The following DSCAM variants were observed in gnomAD, a reference collection of about 807,000 sequenced individuals.
DSCAM encodes cell adhesion molecule DSCAM.
A neutral mutation model predicts 217.7 loss-of-function variants in DSCAM; 47 were observed. That is an observed-to-expected ratio of 0.22 (90% confidence interval 0.17 to 0.28). The LOEUF is 0.28. Ranked by LOEUF, DSCAM falls within the 10% of genes least tolerant of loss-of-function variation. The pLI is 1.00. For missense variants in DSCAM, 2,080 were observed against 2,618.3 expected, an observed-to-expected ratio of 0.79 and a Z score of 4.49; for synonymous variants, 1,056 against 1,015.3, an observed-to-expected ratio of 1.04 and a Z score of -0.76.
At chr21:40,302,361 G>T (rs998175154) in intron 9 of DSCAM, among the ~76,000 whole-genome samples, 2 of 152,080 alleles carry the variant, frequency 1.3e-5, no homozygotes, top group Non-Finnish European at 2.9e-5. Context: ...TTATAAAGGG[G>T]ATTTCCCCTG....
At chr21:40,435,357 A>G (rs1485537197) in intron 3 of DSCAM, among the ~76,000 whole-genome samples, 1 of 152,240 alleles carries the variant, frequency 6.6e-6, no homozygotes, top group Non-Finnish European at 1.5e-5. Flanking sequence ...CAAACAAAAC[A>G]ACAAATTTTA....
intron 3 of DSCAM, among the ~76,000 whole-genome samples, chr21:40,602,583 C>A (rs1313404571): frequency 6.6e-6 from 1 of 152,166 alleles, no homozygotes; most frequent in Non-Finnish European, 1.5e-5. Context: ...TAGTTTATTT[C>A]ATCCAAGTAT....
At chr21:40,732,876 TCTA>T (rs1353104203) in intron 1 of DSCAM, among the ~76,000 whole-genome samples, 1 of 152,226 alleles carries the variant, frequency 6.6e-6, no homozygotes, top group Non-Finnish European at 1.5e-5. Flanking sequence ...TGCTATTTTT[TCTA>T]CTATTTCAGA....
intron 3 of DSCAM, among the ~76,000 whole-genome samples, chr21:40,464,561 G>A (rs546695766): frequency 3.9e-5 from 6 of 152,008 alleles, no homozygotes; most frequent in Non-Finnish European, 7.4e-5. Context: ...GAGTCATTGC[G>A]ACTCTTCAGT....
rs1257648727 is a variant in DSCAM at position 40,161,426 on chromosome 21, A to ATT, written c.3018+5791_3018+5792insAA. 7.6e-3 allele frequency among the ~76,000 whole-genome samples: 1,151 copies of ATT among 151,112 alleles called. 18 individuals are homozygous for ATT. Among genetic ancestry groups the ATT allele is most frequent in the African/African-American group, 0.027 (1,112 of 41,182 alleles). ...GAAAGTCCACAGTTTTTTTTTTAAA[A>ATT]GCACCACCTCTTGATATGAACCTTT... is the stretch of plus-strand genomic sequence containing the variant. On this transcript the variant is annotated intron_variant, in intron 16 of 32. Transcript: ENST00000400454.
chr21:40,811,815 C>A (rs540880032), intron 1 of DSCAM, among the ~76,000 whole-genome samples: 12 of 152,102 alleles, frequency 7.9e-5, no homozygotes, highest in Non-Finnish European at 1.6e-4. Flanking sequence ...GAGTAGATTG[C>A]GTTGAAGACC....
chr21:40,297,325 G>A (rs776614795), intron 9 of DSCAM, among the ~76,000 whole-genome samples: 1 of 152,166 alleles, frequency 6.6e-6, no homozygotes, highest in Non-Finnish European at 1.5e-5. Context: ...CTTAGAAAAG[G>A]TAGCATCTGA....
In DSCAM at chr21:40,183,099, G is replaced by A. The variant is rs1045455203; in HGVS notation, c.2780-4005C>T. On this transcript the variant is annotated intron_variant, in intron 14 of 32. Transcript: ENST00000400454. ...GGCTACCAGAGAAACCGTGGACGGG[G>A]GGGGTTACCAGAGAAACCGTGGACA... 2.6e-5 allele frequency among the ~76,000 whole-genome samples: 3 copies of A among 116,596 alleles called. 1 individual carries two copies. The highest frequency in any genetic ancestry group is 5.6e-4 in the East Asian group (2 of 3,584). The allele number at this position is 116,596 out of a possible 152,430, so 76.5% of individuals were successfully genotyped here. A position where few individuals can be genotyped will look rare whatever the true frequency, so the allele number is the denominator to read the frequency against.
At chr21:40,017,654 C>T (rs544620112) in intron 32 of DSCAM, among the ~76,000 whole-genome samples, 10 of 151,980 alleles carry the variant, frequency 6.6e-5, no homozygotes, top group South Asian at 2.1e-4. Flanking sequence ...CCGGTTCAAG[C>T]GATTCTCCCC....
intron 3 of DSCAM, among the ~76,000 whole-genome samples, chr21:40,379,814 T>C (rs2075002304): frequency 6.6e-6 from 1 of 152,164 alleles, no homozygotes; most frequent in Non-Finnish European, 1.5e-5. Context: ...AAATAAGGGA[T>C]CATATTGAGG....
intron 11 of DSCAM, among the ~76,000 whole-genome samples, chr21:40,228,676 T>C (rs1319041880): frequency 6.6e-6 from 1 of 151,846 alleles, no homozygotes; most frequent in East Asian, 1.9e-4. Flanking sequence ...TTCTTTATTT[T>C]CTAACTCTAC....
intron 10 of DSCAM, among the ~76,000 whole-genome samples, chr21:40,277,971 C>T (rs1463531509): frequency 1.3e-5 from 2 of 151,082 alleles, no homozygotes; most frequent in African/African-American, 2.4e-5. Flanking sequence ...TGATTTTCTA[C>T]ATAGATAATT....
At chr21:40,281,713 GA>G (rs1355656953) in intron 10 of DSCAM, among the ~76,000 whole-genome samples, 2 of 151,868 alleles carry the variant, frequency 1.3e-5, no homozygotes, top group Non-Finnish European at 2.9e-5. Flanking sequence ...CATTTTGGCG[GA>G]TTTTTTTTGT....
intron 3 of DSCAM, among the ~76,000 whole-genome samples, chr21:40,497,172 G>A (rs569160413): frequency 2.0e-5 from 3 of 152,212 alleles, no homozygotes; most frequent in East Asian, 3.9e-4. Flanking sequence ...TTAAATCAGC[G>A]TATCGAAGAG....
intron 3 of DSCAM, among the ~76,000 whole-genome samples, chr21:40,616,102 C>G (rs542071897): frequency 6.6e-6 from 1 of 151,924 alleles, no homozygotes; most frequent in Non-Finnish European, 1.5e-5. Context: ...TGGTTGGAAG[C>G]AGAAATAACT....
chr21:40,459,930 C>T (rs1027878952), intron 3 of DSCAM, among the ~76,000 whole-genome samples: 2 of 152,172 alleles, frequency 1.3e-5, no homozygotes, highest in Non-Finnish European at 2.9e-5. Flanking sequence ...GCATTCCTAT[C>T]GAATTCATCA....
chr21:40,477,187 A>C (rs911132628), intron 3 of DSCAM, among the ~76,000 whole-genome samples: 3 of 152,214 alleles, frequency 2.0e-5, no homozygotes, highest in Admixed American at 2.0e-4. Flanking sequence ...CATTCATACA[A>C]TATTCACAAA....
chr21:40,755,373 G>A (rs1232663147), intron 1 of DSCAM, among the ~76,000 whole-genome samples: 2 of 152,190 alleles, frequency 1.3e-5, no homozygotes, highest in Non-Finnish European at 2.9e-5. Flanking sequence ...TTGAACCCGG[G>A]AGGCAGAGTT....
chr21:40,574,761 G>A lies in DSCAM; in HGVS notation c.508+118049C>T, dbSNP rs1724113120. On this transcript the variant is annotated intron_variant, in intron 3 of 32. Transcript: ENST00000400454. ...ACTTGCTCTGTCGCCTAGGCTGGGT[G>A]CAATGGCAGGGTCTTGGCTCACTGC... is the stretch of plus-strand genomic sequence containing the variant. 2.0e-5 allele frequency among the ~76,000 whole-genome samples: 3 copies of A among 146,880 alleles called. No individual in the cohort carries two copies. In the South Asian group the frequency reaches 6.4e-4, roughly 32 times the overall value.
Sources: gnomAD v4.1 joint callset for allele counts (sites outside exome capture counted in the v4.1 genomes callset) on GRCh38, gnomAD v4.1.1 for gene constraint, MANE v1.5 for transcripts, NCBI Gene and HGNC (gene_info 2026-07-23, HGNC 2026-07-21) for gene names.